The following RTN1 variants were observed in gnomAD, a reference collection of about 807,000 sequenced individuals.
RTN1 encodes the protein reticulon 1.
In RTN1, 25 loss-of-function variants were observed where a neutral mutation model predicts 65.5. The ratio of observed to expected loss-of-function variants is 0.38; its 90% CI spans 0.28 to 0.53. The LOEUF (loss-of-function observed/expected upper bound fraction) is 0.53, where lower values mean the gene tolerates loss of function less well. RTN1 is among the 20% of genes least tolerant of loss of function. The pLI is 0.79. For synonymous variants in RTN1, 471 were observed against 447.6 expected (o/e 1.05, Z -0.66); for missense variants, 983 against 1,025.4 (o/e 0.96, Z 0.57).
At chr14:59,749,511 ATATCTATATATTTATATATATC>A (rs1566712045) in intron 1 of RTN1, among the ~76,000 whole-genome samples, 1 of 36,378 alleles carries the variant, frequency 2.7e-5, no homozygotes, top group Non-Finnish European at 4.3e-5. Flanking sequence ...CTATATATAG[ATATCTATATATTTATATATATC>A]TATCTATATA....
At chr14:59,640,316 A>T (rs180924770) in intron 3 of RTN1, among the ~76,000 whole-genome samples, 77 of 151,860 alleles carry the variant, frequency 5.1e-4, no homozygotes, top group African/African-American at 1.2e-3. Flanking sequence ...TTAATTAATT[A>T]ATTTATTTAT....
At chr14:59,680,208 T>G (rs1384375492) in intron 3 of RTN1, among the ~76,000 whole-genome samples, 1 of 152,182 alleles carries the variant, frequency 6.6e-6, no homozygotes, top group Non-Finnish European at 1.5e-5. Context: ...GATACTTTGT[T>G]TTTGAAAGAA....
intron 3 of RTN1, among the ~76,000 whole-genome samples, chr14:59,624,354 C>T (rs999207469): frequency 1.3e-5 from 2 of 152,104 alleles, no homozygotes; most frequent in African/African-American, 4.8e-5. Context: ...TTAACTGTCA[C>T]CTAGGCAGAA....
Position 59,850,945 on chromosome 14 carries a change from T to C in RTN1, c.241+19445A>G, listed in dbSNP as rs534748186. Among the ~76,000 whole-genome samples the C allele has an allele frequency of 3.3e-5, 5 of 152,332 alleles. No homozygotes were observed. In the South Asian group the frequency reaches 1.0e-3, roughly 32 times the overall value. On this transcript the variant is annotated intron_variant, in intron 1 of 8. Transcript: ENST00000267484. ...AAAACAAGGCTGTGGAGTTGAGCAT[T>C]TCCATTTCACTAAGAAAGTTGACTG...
intron 3 of RTN1, among the ~76,000 whole-genome samples, chr14:59,672,221 C>T (rs1456366158): frequency 6.6e-6 from 1 of 152,142 alleles, no homozygotes; most frequent in Non-Finnish European, 1.5e-5. Flanking sequence ...GCTCACAACA[C>T]ATATGTAAAT....
intron 1 of RTN1, among the ~76,000 whole-genome samples, chr14:59,822,881 T>G (rs1032649458): frequency 6.7e-6 from 1 of 148,170 alleles, no homozygotes; most frequent in Non-Finnish European, 1.5e-5. Context: ...TAATTTGGGT[T>G]TTTTTTTTTT....
intron 2 of RTN1, among the ~76,000 whole-genome samples, chr14:59,741,451 T>G (rs1238589488): frequency 1.3e-5 from 2 of 152,220 alleles, no homozygotes; most frequent in African/African-American, 2.4e-5. Context: ...TGTGTGTATG[T>G]CTTCTCAACT....
Position 59,803,589 on chromosome 14 carries a change from G to A in RTN1, c.242-57108C>T, listed in dbSNP as rs1043981569. 6.6e-6 allele frequency among the ~76,000 whole-genome samples: 1 copy of A among 152,156 alleles called. No homozygotes were observed. Among genetic ancestry groups the A allele is most frequent in the African/African-American group, 2.4e-5 (1 of 41,452 alleles). ...CAGAATTTTCCTACCTGGGAAATCA[G>A]CATCATTTACTGCCTCAGAGAAGAC... On this transcript the variant is annotated intron_variant, in intron 1 of 8. Transcript: ENST00000267484. This position sits in a 1 kb window ranked among gnomAD's most constrained non-coding sequence, Gnocchi z 5.6.
chr14:59,605,422 T>A lies in RTN1; in HGVS notation c.2058A>T (p.Thr686=). Residue 686 remains threonine (T), a synonymous_variant, in exon 5 of 9, where the codon ACA becomes ACT. Coordinates refer to ENST00000267484, the MANE Select transcript of RTN1 (RefSeq NM_021136.3). ...TDCLQFYVNS[T]LKELRRLFLV... is the part of the protein sequence containing the mutation. Reference sequence around the variant, plus strand: ...GGAAGAGCCTCCTCAGTTCCTTAAGTGTGCTGTTCACGTAGAACTGCAGGC... The same window carrying A: ...GGAAGAGCCTCCTCAGTTCCTTAAGAGTGCTGTTCACGTAGAACTGCAGGC... The A allele has an allele frequency of 6.2e-7, 1 of 1,614,160 alleles. No homozygotes were observed. The highest frequency in any genetic ancestry group is 8.5e-7 in the Non-Finnish European group (1 of 1,179,994).
intron 3 of RTN1, among the ~76,000 whole-genome samples, chr14:59,669,508 T>A (rs1566679451): frequency 6.6e-6 from 1 of 152,154 alleles, no homozygotes; most frequent in East Asian, 1.9e-4. Flanking sequence ...CTAATTTAAA[T>A]GATGAGTTGA....
intron 3 of RTN1, among the ~76,000 whole-genome samples, chr14:59,679,679 A>G (rs1490671658): frequency 2.0e-5 from 3 of 152,240 alleles, no homozygotes; most frequent in Admixed American, 1.3e-4. Context: ...TGAACTGTTT[A>G]GCTCAAATGA....
At chr14:59,826,030 C>T (rs1887025009) in intron 1 of RTN1, among the ~76,000 whole-genome samples, 1 of 152,144 alleles carries the variant, frequency 6.6e-6, no homozygotes, top group Non-Finnish European at 1.5e-5. Context: ...TACATTTCCC[C>T]AACACCTGGA....
At chr14:59,799,356 T>C (rs1199043650) in intron 1 of RTN1, among the ~76,000 whole-genome samples, 1 of 152,126 alleles carries the variant, frequency 6.6e-6, no homozygotes, top group Admixed American at 6.5e-5. Flanking sequence ...AGAACATCAC[T>C]CTCCTTTTAA....
intron 1 of RTN1, among the ~76,000 whole-genome samples, chr14:59,747,401 G>A (rs532320956): frequency 3.4e-4 from 52 of 152,292 alleles, no homozygotes; most frequent in Middle Eastern, 3.4e-3. Flanking sequence ...CCTGAGGTCG[G>A]GAGTTCGTAG....
At chr14:59,750,310 TATA>T (rs1885455210) in intron 1 of RTN1, among the ~76,000 whole-genome samples, 1 of 59,756 alleles carries the variant, frequency 1.7e-5, no homozygotes, top group South Asian at 6.3e-4. Context: ...ATATATAATA[TATA>T]ATATCTATAA....
intron 3 of RTN1, among the ~76,000 whole-genome samples, chr14:59,617,035 T>C (rs1021761907): frequency 6.6e-6 from 1 of 152,258 alleles, no homozygotes; most frequent in African/African-American, 2.4e-5. Context: ...TCTCAATTTA[T>C]GGAAGTATAG....
At chr14:59,830,070 C>T (rs1158726382) in intron 1 of RTN1, among the ~76,000 whole-genome samples, 1 of 152,162 alleles carries the variant, frequency 6.6e-6, no homozygotes, top group Non-Finnish European at 1.5e-5. Flanking sequence ...CACAGTCACC[C>T]AAACTGGTTA....
At chr14:59,845,052 C>T (rs1566745503) in intron 1 of RTN1, among the ~76,000 whole-genome samples, 1 of 152,110 alleles carries the variant, frequency 6.6e-6, no homozygotes, top group South Asian at 2.1e-4. Flanking sequence ...AAATCTATAA[C>T]CAAAGTAAAA....
intron 1 of RTN1, among the ~76,000 whole-genome samples, chr14:59,839,782 T>C (rs10140074): frequency 0.42 from 63,318 of 151,782 alleles, 14,173 homozygotes; most frequent in East Asian, 0.62. Context: ...GTGTTTTTTT[T>C]TCTCTCTCTA....
Sources: allele counts gnomAD v4.1 joint callset (sites outside exome capture counted in the v4.1 genomes callset), GRCh38; gene constraint gnomAD v4.1.1; non-coding constraint Gnocchi (gnomAD v3.1); transcripts MANE v1.5; gene names NCBI Gene and HGNC (gene_info 2026-07-23, HGNC 2026-07-21).